The following WASF3 variants were observed in gnomAD, a reference collection of about 807,000 sequenced individuals.
WASF3 encodes the protein actin-binding protein WASF3.
Under a neutral mutation model 46.6 loss-of-function variants are expected in WASF3, and 11 were observed. The observed-to-expected ratio is 0.24, with a 90% CI of 0.15 to 0.39. WASF3 has a LOEUF of 0.39. WASF3 is among the 10% of genes least tolerant of loss of function. WASF3 has a pLI of 1.00. For synonymous variants in WASF3, 242 were observed against 259.7 expected (o/e 0.93, Z 0.65); for missense variants, 576 against 669.8 (o/e 0.86, Z 1.55).
chr13:26,630,429 G>C (rs1274677259), intron 2 of WASF3, among the ~76,000 whole-genome samples: 1 of 152,040 alleles, frequency 6.6e-6, no homozygotes, highest in Non-Finnish European at 1.5e-5. Context: ...CTGTCCTTGT[G>C]ATAGTTTGCT....
At chr13:26,655,531 C>A (rs1882441014) in intron 3 of WASF3, among the ~76,000 whole-genome samples, 1 of 152,130 alleles carries the variant, frequency 6.6e-6, no homozygotes, top group South Asian at 2.1e-4. Context: ...CACTTTGAGA[C>A]TATATAAATG....
At chr13:26,654,810 C>T (rs1233264607) in intron 3 of WASF3, among the ~76,000 whole-genome samples, 2 of 152,002 alleles carry the variant, frequency 1.3e-5, no homozygotes, top group East Asian at 3.9e-4. Flanking sequence ...TTTTTCCTAC[C>T]GTTTACTTTC....
At chr13:26,654,852 G>A (rs1282969504) in intron 3 of WASF3, among the ~76,000 whole-genome samples, 2 of 152,076 alleles carry the variant, frequency 1.3e-5, no homozygotes, top group Non-Finnish European at 2.9e-5. Context: ...CAATAAGCAT[G>A]TGTTGCTTTT....
chr13:26,629,986 A>C (rs1290112659), intron 2 of WASF3, among the ~76,000 whole-genome samples: 1 of 151,548 alleles, frequency 6.6e-6, no homozygotes, highest in Non-Finnish European at 1.5e-5. Context: ...TTATTTTTTA[A>C]ATTTTTCTTT....
At chr13:26,545,565 T>A in the WASF3 span, among the ~76,000 whole-genome samples, 1 of 152,220 alleles carries the variant, frequency 6.6e-6, no homozygotes, top group Non-Finnish European at 1.5e-5. Flanking sequence ...TCTATTTTAG[T>A]CTAAATTGTA....
At chr13:26,670,980 C>T (rs1334976859) in intron 5 of WASF3, among the ~76,000 whole-genome samples, 1 of 152,190 alleles carries the variant, frequency 6.6e-6, no homozygotes, top group Non-Finnish European at 1.5e-5. Context: ...GGCATAAACT[C>T]TCCTATACTC....
chr13:26,571,752 C>T (rs1261443882), intron 1 of WASF3, among the ~76,000 whole-genome samples: 1 of 152,312 alleles, frequency 6.6e-6, no homozygotes, highest in East Asian at 1.9e-4. Context: ...ATTTGTTGAG[C>T]TCCATTAAAA....
At chr13:26,658,285 A>G (rs1403396721) in intron 3 of WASF3, among the ~76,000 whole-genome samples, 2 of 152,200 alleles carry the variant, frequency 1.3e-5, no homozygotes, top group Non-Finnish European at 2.9e-5. Context: ...AAGCAGAAAC[A>G]CAATAATTGG....
chr13:26,567,318 A>G (rs1027145967), intron 1 of WASF3, among the ~76,000 whole-genome samples: 8 of 152,174 alleles, frequency 5.3e-5, no homozygotes, highest in Admixed American at 2.0e-4. Flanking sequence ...TATTTTGTCA[A>G]TTAAAGGTGG....
chr13:26,652,067 A>G (rs904277232), intron 3 of WASF3, among the ~76,000 whole-genome samples: 1 of 152,222 alleles, frequency 6.6e-6, no homozygotes, highest in Non-Finnish European at 1.5e-5. Flanking sequence ...TCCTAACCAC[A>G]TCAATAATTT....
rs1227239955 is a variant in WASF3, at chr13:26,685,822, G to A, written c.1486G>A (p.Asp496Asn). ...YSDSDDDSEF[D>N]ENDWSD ...CGACTCTGACGACGACTCAGAGTTCGACGAGAACGACTGGTCCGACTGAGC... is the reference window on the plus strand; with the variant it reads ...CGACTCTGACGACGACTCAGAGTTCAACGAGAACGACTGGTCCGACTGAGC... The change falls in exon 10 of 10, where the codon GAC (aspartate) becomes AAC (asparagine). Residue 496 changes from aspartate to asparagine, a missense_variant. Asp to Asn is a conservative substitution (Grantham distance 23). Transcript: ENST00000335327. 4 of 1,613,868 alleles carry A rather than the reference G, an allele frequency of 2.5e-6. No homozygotes were observed. The highest frequency in any genetic ancestry group is 3.4e-6 in the Non-Finnish European group (4 of 1,179,736).
upstream of WASF3, among the ~76,000 whole-genome samples, chr13:26,554,080 C>T (rs1012532963): frequency 9.5e-3 from 496 of 52,126 alleles, 1 homozygote; most frequent in East Asian, 0.016. Flanking sequence ...TCCTTCCTTC[C>T]TTCCTTCCTT....
intron 7 of WASF3, among the ~76,000 whole-genome samples, chr13:26,677,433 ACT>A (rs1249456247): frequency 2.0e-5 from 3 of 152,088 alleles, no homozygotes; most frequent in East Asian, 3.8e-4. Flanking sequence ...ATTTGCATAA[ACT>A]CTCATCGGCA....
intron 2 of WASF3, among the ~76,000 whole-genome samples, chr13:26,613,887 T>A (rs1881054783): frequency 1.3e-5 from 2 of 152,190 alleles, no homozygotes; most frequent in African/African-American, 4.8e-5. Flanking sequence ...TTTATGGATT[T>A]CAGTGACCTG....
intron 3 of WASF3, among the ~76,000 whole-genome samples, chr13:26,657,344 A>C (rs953490345): frequency 9.2e-5 from 14 of 152,210 alleles, no homozygotes; most frequent in African/African-American, 2.9e-4. Flanking sequence ...ATGTATCCTC[A>C]CATTTTACTC....
intron 1 of WASF3, among the ~76,000 whole-genome samples, chr13:26,595,803 CG>C (rs1259783854): frequency 6.6e-6 from 1 of 152,068 alleles, no homozygotes; most frequent in Non-Finnish European, 1.5e-5. Flanking sequence ...GAGGTCTGTC[CG>C]GGTTGTTTTA....
intron 1 of WASF3, among the ~76,000 whole-genome samples, chr13:26,559,813 T>TTC (rs1879232356): frequency 1.1e-5 from 1 of 93,284 alleles, no homozygotes; most frequent in Admixed American, 1.1e-4. Flanking sequence ...TCTTTCTTTT[T>TTC]TTTTTTTTTT....
intron 1 of WASF3, among the ~76,000 whole-genome samples, chr13:26,580,660 T>A (rs1433899492): frequency 6.6e-6 from 1 of 151,458 alleles, no homozygotes; most frequent in African/African-American, 2.4e-5. Flanking sequence ...GTTTTTGCTC[T>A]TGTTGCTCAG....
chr13:26,620,831 C>T (rs994779644), intron 2 of WASF3: 1 of 152,020 alleles, frequency 6.6e-6, no homozygotes, highest in Non-Finnish European at 1.5e-5. Flanking sequence ...ATTTTGTGGC[C>T]CTTGAAAGAC....
Sources: allele counts gnomAD v4.1 joint callset (sites outside exome capture counted in the v4.1 genomes callset), GRCh38; gene constraint gnomAD v4.1.1; transcripts MANE v1.5; gene names NCBI Gene and HGNC (gene_info 2026-07-23, HGNC 2026-07-21).